The following TBC1D15 variants were observed in gnomAD, a reference collection of about 807,000 sequenced individuals.
TBC1D15 encodes TBC1 domain family member 15.
Under a neutral mutation model 95.4 loss-of-function variants are expected in TBC1D15, and 39 were observed. The observed-to-expected ratio is 0.41, with a 90% CI of 0.32 to 0.53. The LOEUF is 0.53. Ranked by LOEUF, TBC1D15 falls within the 20% of genes least tolerant of loss-of-function variation. The pLI is 0.29. For missense variants in TBC1D15, 733 were observed against 794.3 expected (o/e 0.92, Z 0.93); for synonymous variants, 258 against 261.3 (o/e 0.99, Z 0.12).
At chr12:71,919,341 T>C (rs537439608) in intron 14 of TBC1D15, among the ~76,000 whole-genome samples, 35 of 152,146 alleles carry the variant, frequency 2.3e-4, no homozygotes, top group African/African-American at 8.4e-4. Flanking sequence ...TGCCACTGTG[T>C]CCAGCCCAGT....
chr12:71,879,588 C>T (rs1894718367), intron 3 of TBC1D15, among the ~76,000 whole-genome samples: 1 of 152,174 alleles, frequency 6.6e-6, no homozygotes. Context: ...GGTCCATTTC[C>T]TCACGTTGTC....
intron 1 of TBC1D15, chr12:71,868,867 C>T (rs1892058367): frequency 6.6e-6 from 1 of 152,036 alleles, no homozygotes; most frequent in Non-Finnish European, 1.5e-5. Flanking sequence ...AGGAAGTTCC[C>T]GACTATTCTA....
rs745431003 is a variant in TBC1D15, at chr12:71,924,192, CTG to C, written c.*990_*991del. 6 of 152,420 alleles carry C rather than the reference CTG, an allele frequency of 3.9e-5. No homozygotes were observed. The South Asian group carries it at 1.2e-3, about 32-fold the overall frequency. 9.4% of individuals were successfully genotyped at this position (152,420 alleles called of 1,614,324 possible). A position where few individuals can be genotyped will look rare whatever the true frequency, so the allele number is the denominator to read the frequency against. On this transcript the variant is annotated 3_prime_UTR_variant, in exon 17 of 17. Transcript: ENST00000485960. ...TAATAATTTTTGTGTATGAACAAAG[CTG>C]TTGTTTTTACCATGCAGTATTGCAT...
intron 12 of TBC1D15, among the ~76,000 whole-genome samples, chr12:71,916,687 C>T (rs55760525): frequency 0.027 from 4,180 of 152,154 alleles, 192 homozygotes; most frequent in African/African-American, 0.094. Flanking sequence ...ACAGAGGGAT[C>T]GGGACATATG....
chr12:71,918,342 T>C (rs1465495060), intron 13 of TBC1D15, 109 bp from the exon 14 acceptor site: 4 of 607,972 alleles, frequency 6.6e-6, no homozygotes, highest in African/African-American at 1.9e-5. Flanking sequence ...GACAAATGTA[T>C]AGGGCCTTGA....
At chr12:71,865,702 T>C (rs1410139995) in intron 1 of TBC1D15, among the ~76,000 whole-genome samples, 1 of 152,084 alleles carries the variant, frequency 6.6e-6, no homozygotes, top group African/African-American at 2.4e-5. Flanking sequence ...ACTAGAGTTG[T>C]TTGGCCTGTA....
intron 12 of TBC1D15, among the ~76,000 whole-genome samples, chr12:71,916,221 C>A (rs1313501681): frequency 6.6e-6 from 1 of 152,104 alleles, no homozygotes; most frequent in African/African-American, 2.4e-5. Context: ...CTTTGTATAT[C>A]CATTGTTGAT....
Position 71,881,006 on chromosome 12 carries a change from T to A in TBC1D15, c.343+399T>A, listed in dbSNP as rs192680524. 3.1e-3 allele frequency among the ~76,000 whole-genome samples: 479 copies of A among 152,352 alleles called. 1 individual carries two copies. The highest frequency in any genetic ancestry group is 5.2e-3 in the Admixed American group (80 of 15,302). ...TTTCAGCATCTTGCTGGACTCTTCA[T>A]GGCTCATTGCAGTTTTCCCTTAATA... On this transcript the variant is annotated intron_variant, in intron 4 of 16. Transcript: ENST00000485960.
intron 10 of TBC1D15, among the ~76,000 whole-genome samples, chr12:71,898,732 A>G (rs1898718004): frequency 6.6e-6 from 1 of 152,150 alleles, no homozygotes; most frequent in African/African-American, 2.4e-5. Context: ...GGTTTCATAA[A>G]GAATGATAGA....
chr12:71,896,581 C>CT, intron 8 of TBC1D15, 96 bp from the exon 9 acceptor site: 1 of 988,016 alleles, frequency 1.0e-6, no homozygotes, highest in South Asian at 1.6e-5. Flanking sequence ...GAAACTACCT[C>CT]TTAAAGATTA....
intron 14 of TBC1D15, 94 bp from the exon 15 acceptor site, chr12:71,920,637 T>C: frequency 1.0e-6 from 1 of 960,120 alleles, no homozygotes; most frequent in South Asian, 1.4e-5. Flanking sequence ...ACATCTACTT[T>C]GCATAGAAGT....
intron 1 of TBC1D15, among the ~76,000 whole-genome samples, chr12:71,841,674 T>A (rs945388786): frequency 6.6e-5 from 10 of 152,216 alleles, no homozygotes; most frequent in African/African-American, 2.2e-4. Context: ...CAGCGCATAG[T>A]TCAGGCTTTT....
At chr12:71,870,601 T>G (rs909355854) in intron 1 of TBC1D15, among the ~76,000 whole-genome samples, 1 of 152,230 alleles carries the variant, frequency 6.6e-6, no homozygotes, top group Admixed American at 6.5e-5. Context: ...GGAACCTTTA[T>G]AATGTAGTGG....
At chr12:71,881,916 C>CAAAAA (rs35977474) in intron 4 of TBC1D15, among the ~76,000 whole-genome samples, 4 of 53,578 alleles carry the variant, frequency 7.5e-5, no homozygotes, top group Admixed American at 2.0e-4. Flanking sequence ...GACTCCGTCT[C>CAAAAA]AAAAAAAAAA....
At chr12:71,915,507 A>C (rs1381007625) in intron 12 of TBC1D15, among the ~76,000 whole-genome samples, 1 of 151,938 alleles carries the variant, frequency 6.6e-6, no homozygotes, top group Non-Finnish European at 1.5e-5. Context: ...TCATGCAATA[A>C]GTTTTCAATA....
chr12:71,850,095 C>T, intron 1 of TBC1D15: 1 of 518,370 alleles, frequency 1.9e-6, no homozygotes, highest in South Asian at 1.7e-5. Flanking sequence ...AATCTAATAT[C>T]AGAAGACACT....
At chr12:71,875,217 G>C (rs192922244) in intron 3 of TBC1D15, among the ~76,000 whole-genome samples, 2 of 152,100 alleles carry the variant, frequency 1.3e-5, no homozygotes, top group East Asian at 3.9e-4. Context: ...GGCATTACAG[G>C]GTAGTTACTT....
At position 71,921,470 on chromosome 12, in the gene TBC1D15, A is replaced by C. The variant is rs766180487; in HGVS notation, c.1803+16A>C. 7.1e-7 allele frequency: 1 copy of C among 1,399,702 alleles called. No homozygotes were observed. Among genetic ancestry groups the C allele is most frequent in the South Asian group, 1.7e-5 (1 of 58,974 alleles). 86.7% of individuals were successfully genotyped at this position (1,399,702 alleles called of 1,614,324 possible). A position where few individuals can be genotyped will look rare whatever the true frequency, so the allele number is the denominator to read the frequency against. On this transcript the variant is annotated intron_variant, in intron 16 of 16. Transcript: ENST00000485960. The stretch of plus-strand genomic sequence containing the variant: ...AAAATGCAAGGTATACAGTGTTTCA[A>C]GTAATTGCAAGATTTGTTTGTTTTT...
chr12:71,889,619 C>A (rs1390231101), intron 5 of TBC1D15, among the ~76,000 whole-genome samples: 1 of 152,174 alleles, frequency 6.6e-6, no homozygotes, highest in Non-Finnish European at 1.5e-5. Context: ...AGCCATCCCC[C>A]ACTGTCAGAT....
Sources: gnomAD v4.1 joint callset for allele counts (sites outside exome capture counted in the v4.1 genomes callset) on GRCh38, gnomAD v4.1.1 for gene constraint, MANE v1.5 for transcripts, NCBI Gene and HGNC (gene_info 2026-07-23, HGNC 2026-07-21) for gene names.